TFEB: variants seen among roughly 807,000 people sequenced by gnomAD.
The protein encoded by TFEB is T-cell transcription factor EB.
Under a neutral mutation model 48.0 loss-of-function variants are expected in TFEB, and 12 were observed. The observed-to-expected ratio is 0.25, with a 90% CI of 0.16 to 0.40. The LOEUF is 0.40. TFEB is among the 10% of genes least tolerant of loss of function. The pLI is 1.00. For synonymous variants in TFEB, 244 were observed against 261.4 expected (o/e 0.93, Z 0.64); for missense variants, 509 against 640.3 (o/e 0.79, Z 2.21).
At chr6:41,712,685 G>A (rs917608746) in intron 1 of TFEB, among the ~76,000 whole-genome samples, 1 of 152,220 alleles carries the variant, frequency 6.6e-6, no homozygotes, top group Admixed American at 6.5e-5. Context: ...AGCCACTGCT[G>A]TTGATAGAGC....
rs552839900 is a variant in TFEB at position 41,720,676 on chromosome 6, G to T, written c.-23+14674C>A. ...TGGATAGGGCTCAAGCTGAGAGCCAGGTTGCAGGCCAGGCCCACGTGGGTC... is the reference window on the plus strand; with the variant it reads ...TGGATAGGGCTCAAGCTGAGAGCCATGTTGCAGGCCAGGCCCACGTGGGTC... On this transcript the variant is annotated intron_variant, in intron 1 of 8. Transcript: ENST00000373033. The surrounding 1 kb of genome is among the most constrained non-coding windows in gnomAD (Gnocchi z 4.1). 6.6e-6 allele frequency: 1 copy of T among 152,300 alleles called. No homozygotes were observed. The highest frequency in any genetic ancestry group is 1.9e-4 in the East Asian group (1 of 5,166). 9.4% of individuals were successfully genotyped at this position (152,300 alleles called of 1,614,324 possible).
At chr6:41,701,046 C>A (rs1769893334) in intron 1 of TFEB, among the ~76,000 whole-genome samples, 1 of 152,256 alleles carries the variant, frequency 6.6e-6, no homozygotes, top group African/African-American at 2.4e-5. Context: ...AAGGATTCCA[C>A]CCCTGTGATA....
intron 1 of TFEB, among the ~76,000 whole-genome samples, chr6:41,717,815 A>C (rs1011832237): frequency 6.6e-6 from 1 of 152,214 alleles, no homozygotes; most frequent in African/African-American, 2.4e-5. Flanking sequence ...AGGAGCAAGG[A>C]GTCTGGCCCT....
chr6:41,690,973 G>T (rs772152919), intron 2 of TFEB, 28 bp downstream of exon 2: 2 of 1,567,882 alleles, frequency 1.3e-6, no homozygotes, highest in Non-Finnish European at 1.7e-6. Context: ...TGGGGACAGG[G>T]TGGGGGGCAG....
chr6:41,708,194 A>T (rs1370062460), intron 1 of TFEB, among the ~76,000 whole-genome samples: 1 of 152,236 alleles, frequency 6.6e-6, no homozygotes, highest in Non-Finnish European at 1.5e-5. Context: ...GGCACCTTGT[A>T]GATGCTCCCT....
Position 41,684,988 on chromosome 6 carries a change from G to C in TFEB, c.1042C>G (p.Gln348Glu), listed in dbSNP as rs1477181026. ...GGGCCCTCTTCGCTAGGCAGCTCCTGCTTCACCACCTGCTGGGCCAGCTCA... is the reference window on the plus strand; with the variant it reads ...GGGCCCTCTTCGCTAGGCAGCTCCTCCTTCACCACCTGCTGGGCCAGCTCA... ...MAELAQQVVK[Q>E]ELPSEEGPGE... Residue 348 changes from glutamine (Q) to glutamate (E), a missense_variant, in exon 9 of 9, where the codon CAG becomes GAG. This residue lies in a region of TFEB where 62 missense variants were observed against 90.2 expected (regional missense o/e 0.69). Coordinates refer to ENST00000373033, the MANE Select transcript of TFEB (RefSeq NM_001271944.2). 1.4e-5 allele frequency: 22 copies of C among 1,568,690 alleles called. No homozygotes were observed. The highest frequency in any genetic ancestry group is 1.9e-5 in the Non-Finnish European group (22 of 1,157,396).
At chr6:41,713,483 G>C (rs1032283278) in intron 1 of TFEB, among the ~76,000 whole-genome samples, 2 of 152,152 alleles carry the variant, frequency 1.3e-5, no homozygotes, top group African/African-American at 4.8e-5. Flanking sequence ...CGGTCCCTAC[G>C]CTGACTCACT....
At position 41,686,204 on chromosome 6, in the gene TFEB, C is replaced by T. The variant is rs1178752730; in HGVS notation, c.837G>A (p.Lys279=). The T allele has an allele frequency of 1.2e-6, 2 of 1,614,238 alleles. No homozygotes were observed. The highest frequency in any genetic ancestry group is 1.7e-6 in the Non-Finnish European group (2 of 1,180,050). Reference sequence around the variant, plus strand: ...TCCTCCGGATGTAATCCACAGAGGCCTTGAGGATGGTGCCCTTGTTCCAGC... The same window carrying T: ...TCCTCCGGATGTAATCCACAGAGGCTTTGAGGATGGTGCCCTTGTTCCAGC... The part of the protein sequence containing the change: ...DVRWNKGTIL[K]ASVDYIRRMQ... Residue 279 remains lysine, a synonymous_variant, in exon 8 of 9, where the codon AAG becomes AAA. Transcript: ENST00000373033.
At chr6:41,686,653 C>T (rs983491103) in intron 7 of TFEB, 12 of 243,864 alleles carry the variant, frequency 4.9e-5, no homozygotes, top group African/African-American at 2.7e-4. Context: ...GTAGCTGGCA[C>T]TGTAGGCACA....
chr6:41,714,784 C>T (rs1770661337), intron 1 of TFEB, among the ~76,000 whole-genome samples: 1 of 152,152 alleles, frequency 6.6e-6, no homozygotes, highest in African/African-American at 2.4e-5. Context: ...CCTCCTCTGC[C>T]CTCCACACCC....
At chr6:41,735,289 G>C in intron 1 of TFEB, 61 bp downstream of exon 1, 1 of 983,556 alleles carries the variant, frequency 1.0e-6, no homozygotes, top group Non-Finnish European at 1.2e-6. Flanking sequence ...ATAGGGGCCA[G>C]GGAGCCTGGG....
intron 4 of TFEB, among the ~76,000 whole-genome samples, chr6:41,689,048 A>G (rs969266078): frequency 6.6e-6 from 1 of 152,152 alleles, no homozygotes; most frequent in Non-Finnish European, 1.5e-5. Flanking sequence ...TCCCTCATCT[A>G]ATCTTCCCAC....
intron 1 of TFEB, among the ~76,000 whole-genome samples, chr6:41,692,955 G>A (rs1297782138): frequency 6.6e-6 from 1 of 152,208 alleles, no homozygotes; most frequent in Non-Finnish European, 1.5e-5. Flanking sequence ...TAACCTCTCT[G>A]AGAGTCAATT....
chr6:41,693,031 C>T (rs748754605), intron 1 of TFEB, among the ~76,000 whole-genome samples: 1 of 152,188 alleles, frequency 6.6e-6, no homozygotes. Flanking sequence ...AGGTCTTGCA[C>T]AGTATGTAGC....
At chr6:41,687,607 G>A in intron 6 of TFEB, 146 bp downstream of exon 6, 2 of 973,946 alleles carry the variant, frequency 2.1e-6, no homozygotes, top group South Asian at 3.0e-5. Flanking sequence ...CTGAGCGACA[G>A]CAATGGGAGG....
At chr6:41,689,637 GA>G in intron 4 of TFEB, 93 bp downstream of exon 4, 1 of 950,912 alleles carries the variant, frequency 1.1e-6, no homozygotes, top group South Asian at 1.4e-5. Context: ...TGCCCAGTGA[GA>G]ACCCTGTCTC....
rs756401217 is a variant in TFEB, at chr6:41,691,045, C to A, written c.169G>T (p.Val57Phe). The A allele has an allele frequency of 6.4e-7, 1 of 1,573,756 alleles. No homozygotes were observed. Among genetic ancestry groups the A allele is most frequent in the South Asian group, 1.2e-5 (1 of 86,770 alleles). ...ACAGGTGGTGGCGACTGGAAGTGGA[C>A]GGGGGTATTGATGGCCGGGGTGGGC... ...GPPTPAINTP[V>F]HFQSPPPVPG... The change falls in exon 2 of 9, where the codon GTC becomes TTC. Residue 57 changes from valine to phenylalanine, a missense_variant. Coordinates refer to ENST00000373033, the MANE Select transcript of TFEB (RefSeq NM_001271944.2). The surrounding 1 kb of genome is among the most constrained non-coding windows in gnomAD (Gnocchi z 5.2).
At chr6:41,693,810 C>T (rs551593768) in intron 1 of TFEB, among the ~76,000 whole-genome samples, 12 of 152,306 alleles carry the variant, frequency 7.9e-5, no homozygotes, top group Admixed American at 2.0e-4. Flanking sequence ...AGCAGGAACA[C>T]AGCTGCAGCC....
rs948551774 is a variant in TFEB at position 41,735,143 on chromosome 6, G to A, written c.-23+207C>T. ...GAGGGGCCGAGGGGGCTCCCGGCTCGGCGGGCAGCGCCGCTCGGGCCACGC... is the reference window on the plus strand; with the variant it reads ...GAGGGGCCGAGGGGGCTCCCGGCTCAGCGGGCAGCGCCGCTCGGGCCACGC... On this transcript the variant is annotated intron_variant, in intron 1 of 8. Transcript: ENST00000373033. 9.4e-6 allele frequency: 9 copies of A among 959,244 alleles called. No individual in the cohort carries two copies. In the East Asian group the frequency reaches 8.1e-4, roughly 86 times the overall value. The allele number at this position is 959,244 out of a possible 1,614,324, so 59.4% of individuals were successfully genotyped here. A position where few individuals can be genotyped will look rare whatever the true frequency, so the allele number is the denominator to read the frequency against.
Sources: allele counts gnomAD v4.1 joint callset (sites outside exome capture counted in the v4.1 genomes callset), GRCh38; gene constraint gnomAD v4.1.1; regional missense constraint gnomAD v4.1.1; non-coding constraint Gnocchi (gnomAD v3.1); transcripts MANE v1.5; gene names NCBI Gene and HGNC (gene_info 2026-07-23, HGNC 2026-07-21).